Variants in UGT8 observed in about 807,000 individuals in gnomAD.
UGT8 encodes the protein UDP glycosyltransferase 8, also known as 2-hydroxyacylsphingosine 1-beta-galactosyltransferase.
In UGT8, 12 loss-of-function variants were observed where a neutral mutation model predicts 40.5. That is an observed-to-expected ratio of 0.30 (90% CI 0.19 to 0.48). The LOEUF is 0.48. UGT8 is among the 20% of genes least tolerant of loss of function. The pLI is 0.99. For missense variants in UGT8, 513 were observed against 648.7 expected (o/e 0.79, Z 2.27); for synonymous variants, 224 against 240.4 (o/e 0.93, Z 0.63).
rs143114979 is a variant in UGT8, at chr4:114,641,285, C to G, written c.822+17583C>G. ...GAGCATCATTAGGAGCTTATTCCTT[C>G]CCTTTCATCCGTGGGAGAAATCTGT... On this transcript the variant is annotated intron_variant, in intron 2 of 5. Transcript: ENST00000310836. 7.2e-3 allele frequency among the ~76,000 whole-genome samples: 1,098 copies of G among 152,282 alleles called. 16 individuals carry two copies. The highest frequency in any genetic ancestry group is 0.024 in the African/African-American group (1,017 of 41,556).
chr4:114,599,192 G>A (rs1285784902), intron 1 of UGT8, among the ~76,000 whole-genome samples: 1 of 152,238 alleles, frequency 6.6e-6, no homozygotes, highest in South Asian at 2.1e-4. Flanking sequence ...GGGGTTGAGG[G>A]GGTGTGAAGG....
At chr4:114,674,174 TC>T (rs758706425) in intron 5 of UGT8, among the ~76,000 whole-genome samples, 2 of 152,204 alleles carry the variant, frequency 1.3e-5, no homozygotes, top group Non-Finnish European at 1.5e-5. Context: ...GGCTTTGTAA[TC>T]TTATAGCTCC....
chr4:114,655,201 C>T (rs1454198258), intron 2 of UGT8, among the ~76,000 whole-genome samples: 1 of 151,734 alleles, frequency 6.6e-6, no homozygotes, highest in East Asian at 1.9e-4. Context: ...ATTTAGTTTG[C>T]ATCATCCAGA....
At position 114,640,093 on chromosome 4, in the gene UGT8, C is replaced by G. The variant is rs1199339090; in HGVS notation, c.822+16391C>G. Among the ~76,000 whole-genome samples, 29 of 148,546 alleles carry G rather than the reference C, an allele frequency of 2.0e-4. No individual in the cohort carries two copies. The South Asian group carries it at 3.6e-3, about 19-fold the overall frequency. On this transcript the variant is annotated intron_variant, in intron 2 of 5. Transcript: ENST00000310836. Reference sequence around the variant, plus strand: ...TCGCCCAGGCTGGAGTGCAGTGGCGCGATCTCGGCTCACTGCAAGCTCCGC... The same window carrying G: ...TCGCCCAGGCTGGAGTGCAGTGGCGGGATCTCGGCTCACTGCAAGCTCCGC...
upstream of UGT8, chr4:114,598,524 G>A (rs1396543283): frequency 1.3e-5 from 2 of 152,282 alleles, no homozygotes; most frequent in Non-Finnish European, 2.9e-5. Context: ...CTGCGAGCGC[G>A]TGGTACGAAG....
At chr4:114,668,344 A>C (rs1294059784) in intron 5 of UGT8, 40 bp downstream of exon 5, 1 of 1,535,958 alleles carries the variant, frequency 6.5e-7, no homozygotes. Context: ...GAACTTACAT[A>C]CCACAGTATA....
At chr4:114,660,700 G>A (rs1164958188) in intron 2 of UGT8, among the ~76,000 whole-genome samples, 1 of 151,930 alleles carries the variant, frequency 6.6e-6, no homozygotes, top group African/African-American at 2.4e-5. Context: ...AGACCATCCT[G>A]GCTAACACGG....
chr4:114,614,273 A>G (rs1207093857), intron 1 of UGT8, among the ~76,000 whole-genome samples: 2 of 152,114 alleles, frequency 1.3e-5, no homozygotes, highest in Admixed American at 1.3e-4. Flanking sequence ...GTTCTTTTGT[A>G]TTTCTCTTGG....
chr4:114,661,433 A>G lies in UGT8; in HGVS notation c.823-2562A>G, dbSNP rs73849519. ...AGATATCCTGAGGGCCTCCCAAACC[A>G]CTGGACGATATCAGTATTCTTATCG... On this transcript the variant is annotated intron_variant, in intron 2 of 5. Transcript: ENST00000310836. Among the ~76,000 whole-genome samples, 793 of 152,306 alleles carry G rather than the reference A, an allele frequency of 5.2e-3. 8 individuals are homozygous for G. Among genetic ancestry groups the G allele is most frequent in the African/African-American group, 0.017 (714 of 41,570 alleles).
At chr4:114,623,794 T>A in intron 2 of UGT8, 92 bp downstream of exon 2, 1 of 1,415,404 alleles carries the variant, frequency 7.1e-7, no homozygotes, top group Non-Finnish European at 9.3e-7. Context: ...TTATATATAT[T>A]GTATATATAC....
In UGT8 at chr4:114,623,183, C is replaced by G; in HGVS notation, c.303C>G (p.Ile101Met). The part of the protein sequence containing the change: ...RNIFSGRLTA[I>M]ELFDILDHYT... ...TTTTCTCTGGGAGATTGACAGCAAT[C>G]GAACTGTTTGACATACTGGATCACT... The change falls in exon 2 of 6, where the codon ATC becomes ATG. Residue 101 changes from isoleucine (I) to methionine (M), a missense_variant. By Grantham distance (10) the Ile-to-Met change is conservative. Around this residue, in one of 3 missense-constraint regions of UGT8, gnomAD observed 335 missense variants for 444.8 expected, o/e 0.75. Transcript: ENST00000310836. 1 of 1,614,086 alleles carries G rather than the reference C, an allele frequency of 6.2e-7. No individual in the cohort carries two copies. Among genetic ancestry groups the G allele is most frequent in the East Asian group, 2.2e-5 (1 of 44,874 alleles).
At chr4:114,631,954 A>T (rs976556846) in intron 2 of UGT8, among the ~76,000 whole-genome samples, 1 of 152,214 alleles carries the variant, frequency 6.6e-6, no homozygotes, top group Admixed American at 6.5e-5. Context: ...TGAAACTAAG[A>T]TGATGCTGTT....
At chr4:114,624,492 C>G (rs1248754085) in intron 2 of UGT8, among the ~76,000 whole-genome samples, 1 of 152,144 alleles carries the variant, frequency 6.6e-6, no homozygotes, top group African/African-American at 2.4e-5. Context: ...AACATCAGAT[C>G]CCATTTACTA....
At chr4:114,650,252 A>G (rs1206796227) in intron 2 of UGT8, among the ~76,000 whole-genome samples, 1 of 152,182 alleles carries the variant, frequency 6.6e-6, no homozygotes, top group Non-Finnish European at 1.5e-5. Flanking sequence ...TCTTATCTGC[A>G]TGTTATCTTC....
In UGT8 at chr4:114,611,278, ATT is replaced by A. The variant is rs144963458; in HGVS notation, c.-2-11600_-2-11599del. On this transcript the variant is annotated intron_variant, in intron 1 of 5. Transcript: ENST00000310836. The stretch of plus-strand genomic sequence containing the variant: ...CAGAATCAAAACAATTAATTTCCAT[ATT>A]GTTTGCTGAATGTTTATCACATGCT... Among the ~76,000 whole-genome samples the A allele has an allele frequency of 2.7e-3, 402 of 151,654 alleles. 4 individuals carry two copies. Among genetic ancestry groups the A allele is most frequent in the African/African-American group, 9.1e-3 (378 of 41,360 alleles).
At chr4:114,663,946 T>C in intron 2 of UGT8, 49 bp from the exon 3 acceptor site, 4 of 1,597,288 alleles carry the variant, frequency 2.5e-6, no homozygotes, top group Non-Finnish European at 3.4e-6. Context: ...ACACCAATTA[T>C]AAACTACATT....
At chr4:114,649,981 A>T (rs1489633937) in intron 2 of UGT8, among the ~76,000 whole-genome samples, 1 of 152,208 alleles carries the variant, frequency 6.6e-6, no homozygotes, top group Admixed American at 6.5e-5. Context: ...TGAGCTGCTA[A>T]TTAAAAGCAG....
intron 3 of UGT8, 94 bp from the exon 4 acceptor site, chr4:114,665,586 A>C (rs1391439774): frequency 1.6e-6 from 2 of 1,253,828 alleles, no homozygotes; most frequent in African/African-American, 1.6e-5. Flanking sequence ...AAGATCATCA[A>C]ACATTTATTT....
chr4:114,659,111 A>G (rs1289030363), intron 2 of UGT8, among the ~76,000 whole-genome samples: 4 of 152,212 alleles, frequency 2.6e-5, no homozygotes, highest in Non-Finnish European at 5.9e-5. Flanking sequence ...ATCTGGCAAT[A>G]CTAGAAACAA....
Sources: allele counts gnomAD v4.1 joint callset (sites outside exome capture counted in the v4.1 genomes callset), GRCh38; gene constraint gnomAD v4.1.1; regional missense constraint gnomAD v4.1.1; transcripts MANE v1.5; gene names NCBI Gene and HGNC (gene_info 2026-07-23, HGNC 2026-07-21).